ARMCX4: variants seen among roughly 807,000 people sequenced by gnomAD.
The protein encoded by ARMCX4 is armadillo repeat containing X-linked 4, also known as armadillo repeat-containing X-linked protein 4.
In ARMCX4, 3 loss-of-function variants were observed where a neutral mutation model predicts 34.7. That is an observed-to-expected ratio of 0.09 (90% CI 0.04 to 0.22). The LOEUF (loss-of-function observed/expected upper bound fraction) is 0.22, where lower values mean the gene tolerates loss of function less well. Ranked by LOEUF, ARMCX4 falls within the 10% of genes least tolerant of loss-of-function variation. The pLI is 1.00. For synonymous variants in ARMCX4, 513 were observed against 632.8 expected (o/e 0.81, Z 2.84); for missense variants, 1,448 against 1,720.8 (o/e 0.84, Z 2.81).
At chrX:101,431,457 C>T (rs1261473313) in intron 2 of ARMCX4, among the ~76,000 whole-genome samples, 1 of 112,608 alleles carries the variant, frequency 8.9e-6, no homozygotes, top group Non-Finnish European at 1.9e-5. Flanking sequence ...TTCTACACTT[C>T]CTTCCCAGAA....
intron 2 of ARMCX4, among the ~76,000 whole-genome samples, chrX:101,423,529 A>G (rs782328471): frequency 9.1e-6 from 1 of 109,591 alleles, no homozygotes; most frequent in African/African-American, 3.3e-5. Flanking sequence ...AGGCAGGAGA[A>G]TCGCTTGAAC....
At chrX:101,470,650 T>C (rs1458607842) in intron 4 of ARMCX4, among the ~76,000 whole-genome samples, 1 of 112,126 alleles carries the variant, frequency 8.9e-6, no homozygotes, top group East Asian at 2.8e-4. Flanking sequence ...ATTCATGTTG[T>C]TGCATATATC....
rs1416424431 is a variant in ARMCX4, at chrX:101,493,132, G to A, written c.4543G>A (p.Gly1515Arg). Residue 1515 changes from glycine to arginine, a missense_variant, in exon 6 of 6, where the codon GGG (glycine) becomes AGG (arginine). Around this residue, in one of 2 missense-constraint regions of ARMCX4, gnomAD observed 1,343 missense variants for 1,540.7 expected, o/e 0.87. Coordinates refer to ENST00000423738, the MANE Select transcript of ARMCX4 (RefSeq NM_001256155.3). ...QASGWFCVCP[G>R]SQTNGGSWGG... ...CAGTGGATGGTTCTGTGTTTGCCCT[G>A]GGAGTCAGACGAATGGAGGGTCTTG... The A allele has an allele frequency of 8.7e-7, 1 of 1,152,556 alleles. No homozygotes were observed. Among genetic ancestry groups the A allele is most frequent in the Non-Finnish European group, 1.1e-6 (1 of 872,123 alleles). The allele number at this position is 1,152,556 out of a possible 1,213,427, so 95.0% of individuals were successfully genotyped here. A position where few individuals can be genotyped will look rare whatever the true frequency, so the allele number is the denominator to read the frequency against.
At chrX:101,515,414 TCTTCCTTCCTTCCTTC>T (rs1159233873) in intron 11 of ARMCX4, among the ~76,000 whole-genome samples, 34 of 12,300 alleles carry the variant, frequency 2.8e-3, no homozygotes, top group African/African-American at 3.5e-3. Flanking sequence ...TCCCTCCCTC[TCTTCCTTCCTTCCTTC>T]CTTCCTTCCT....
chrX:101,508,369 A>G (rs782163260), intron 8 of ARMCX4, among the ~76,000 whole-genome samples: 1 of 112,100 alleles, frequency 8.9e-6, no homozygotes, highest in South Asian at 3.8e-4. Context: ...AGACGCAGTC[A>G]GCATTAGTTT....
At chrX:101,512,548 T>A (rs1378147007) in intron 11 of ARMCX4, among the ~76,000 whole-genome samples, 1 of 110,039 alleles carries the variant, frequency 9.1e-6, no homozygotes, top group Non-Finnish European at 1.9e-5. Flanking sequence ...GCTTTTCCTG[T>A]TTTTCTAGGT....
downstream of ARMCX4, among the ~76,000 whole-genome samples, chrX:101,533,718 T>A (rs1935172236): frequency 8.9e-6 from 1 of 112,197 alleles, no homozygotes; most frequent in African/African-American, 3.2e-5. Context: ...AATATATACA[T>A]TTCTAACAAG....
At chrX:101,518,737 C>T (rs1934793277) in intron 11 of ARMCX4, among the ~76,000 whole-genome samples, 1 of 110,509 alleles carries the variant, frequency 9.0e-6, no homozygotes, top group African/African-American at 3.3e-5. Flanking sequence ...TTAAAAAACC[C>T]AGGTAAATGT....
chrX:101,495,573 T>C lies in ARMCX4; in HGVS notation c.*111T>C. ...TTGAAACTGATGTTACCTATGATGG[T>C]CTATAGCTGGACCATTTTATGAACA... On this transcript the variant is annotated 3_prime_UTR_variant, in exon 6 of 6. Transcript: ENST00000423738. 2.6e-6 allele frequency: 2 copies of C among 769,010 alleles called. No individual in the cohort carries two copies. The highest frequency in any genetic ancestry group is 3.5e-6 in the Non-Finnish European group (2 of 572,225). 63.4% of individuals were successfully genotyped at this position (769,010 alleles called of 1,213,427 possible). A position where few individuals can be genotyped will look rare whatever the true frequency, so the allele number is the denominator to read the frequency against.
downstream of ARMCX4, among the ~76,000 whole-genome samples, chrX:101,499,805 C>G (rs1934257612): frequency 9.0e-6 from 1 of 111,423 alleles, no homozygotes; most frequent in African/African-American, 3.3e-5. Flanking sequence ...AACATAATGT[C>G]CTGGGGGGAA....
chrX:101,443,832 A>G lies in ARMCX4; in HGVS notation n.165-220A>G. 8.3e-6 allele frequency: 3 copies of G among 360,129 alleles called. No individual in the cohort carries two copies. The South Asian group carries it at 8.4e-5, about 10-fold the overall frequency. The allele number at this position is 360,129 out of a possible 1,213,427, so 29.7% of individuals were successfully genotyped here. A position where few individuals can be genotyped will look rare whatever the true frequency, so the allele number is the denominator to read the frequency against. Reference sequence around the variant, plus strand: ...TCCAACCACTCAATCTTGGCAGTGCAGATGAAAAACTAGGAACCATTTGCG... The same window carrying G: ...TCCAACCACTCAATCTTGGCAGTGCGGATGAAAAACTAGGAACCATTTGCG... On this transcript the variant is annotated intron_variant and non_coding_transcript_variant, in intron 2 of 3. Transcript: ENST00000430461.
chrX:101,440,305 A>G (rs1013828869), intron 2 of ARMCX4, among the ~76,000 whole-genome samples: 13 of 111,673 alleles, frequency 1.2e-4, no homozygotes, highest in African/African-American at 3.3e-4. Flanking sequence ...ATTGGTGAAC[A>G]GCAAATGCTG....
downstream of ARMCX4, among the ~76,000 whole-genome samples, chrX:101,451,115 C>T (rs5951320): frequency 0.49 from 54,184 of 109,890 alleles, 10,724 homozygotes; most frequent in Non-Finnish European, 0.62. Flanking sequence ...GGCTCTGGGC[C>T]CAGTTCAGCA....
chrX:101,530,093 A>G (rs1935090422), intron 11 of ARMCX4, among the ~76,000 whole-genome samples: 1 of 112,429 alleles, frequency 8.9e-6, no homozygotes. Context: ...ACAAGTGTCC[A>G]TCAATGATAG....
At chrX:101,436,835 T>C (rs1331089565) in intron 2 of ARMCX4, among the ~76,000 whole-genome samples, 2 of 111,832 alleles carry the variant, frequency 1.8e-5, no homozygotes, top group Non-Finnish European at 3.8e-5. Context: ...ACCTAATTTA[T>C]TGAGAGTTTT....
intron 2 of ARMCX4, among the ~76,000 whole-genome samples, chrX:101,440,526 C>T (rs1470016504): frequency 8.9e-6 from 1 of 111,788 alleles, no homozygotes; most frequent in Admixed American, 9.5e-5. Flanking sequence ...TTTAAGTCTG[C>T]AGAGGTTTTG....
chrX:101,517,389 G>C (rs1226335795), intron 11 of ARMCX4, among the ~76,000 whole-genome samples: 2 of 111,208 alleles, frequency 1.8e-5, no homozygotes, highest in Non-Finnish European at 3.8e-5. Context: ...GTCACCTGGG[G>C]TGGAGTGCAG....
chrX:101,492,055 G>A lies in ARMCX4; in HGVS notation c.3466G>A (p.Val1156Met). ...DKAGIIRSWA[V>M]ACDETSVKSW... ...GGCTGGGATTATTCGGTCTTGGGCT[G>A]TGGCTTGTGATGAGACCAGTGTTAA... The change falls in exon 6 of 6, where the codon GTG becomes ATG. Residue 1156 changes from valine to methionine, a missense_variant. Physicochemically the swap from Val to Met is conservative, Grantham distance 21. This residue lies in a region of ARMCX4 where 1,343 missense variants were observed against 1,540.7 expected (regional missense o/e 0.87). Coordinates refer to ENST00000423738, the MANE Select transcript of ARMCX4 (RefSeq NM_001256155.3). The A allele has an allele frequency of 8.7e-7, 1 of 1,153,988 alleles. No individual in the cohort carries two copies. The highest frequency in any genetic ancestry group is 1.1e-6 in the Non-Finnish European group (1 of 871,653).
Position 101,492,342 on chromosome X carries a change from C to A in ARMCX4, c.3753C>A (p.Ala1251=), listed in dbSNP as rs190822314. 652 of 1,146,824 alleles carry A rather than the reference C, an allele frequency of 5.7e-4. 1 individual carries two copies. Among genetic ancestry groups the A allele is most frequent in the Non-Finnish European group, 7.1e-4 (621 of 869,709 alleles). The allele number at this position is 1,146,824 out of a possible 1,213,427, so 94.5% of individuals were successfully genotyped here. ...ATGGGTCCTGGCCTGGGGGACAGGC[C>A]AGTGGGGTGTCCTGGGTTGGGGAAG... ...ASDGSWPGGQ[A]SGVSWVGEEA... The change falls in exon 6 of 6, where the codon GCC becomes GCA. Residue 1251 remains alanine, a synonymous_variant. Coordinates refer to ENST00000423738, the MANE Select transcript of ARMCX4 (RefSeq NM_001256155.3).
Sources: gnomAD v4.1 joint callset for allele counts (sites outside exome capture counted in the v4.1 genomes callset) on GRCh38, gnomAD v4.1.1 for gene constraint, gnomAD v4.1.1 regional missense constraint, MANE v1.5 for transcripts, NCBI Gene and HGNC (gene_info 2026-07-23, HGNC 2026-07-21) for gene names.